Variants in EML1 observed in about 807,000 individuals in gnomAD.
EML1 encodes echinoderm microtubule-associated protein-like 1.
EML1 carries 27 observed loss-of-function variants against 110.4 expected under a neutral mutation model. That is an observed-to-expected ratio of 0.24 (90% CI 0.18 to 0.34). The LOEUF (loss-of-function observed/expected upper bound fraction) is 0.34, where lower values mean the gene tolerates loss of function less well. EML1 is among the 10% of genes least tolerant of loss of function. The pLI, the probability that EML1 is intolerant of heterozygous loss-of-function variation, is 1.00. For missense variants in EML1, 741 were observed against 1,030.9 expected (o/e 0.72, Z 3.85); for synonymous variants, 344 against 385.8 (o/e 0.89, Z 1.27).
intron 3 of EML1, among the ~76,000 whole-genome samples, chr14:99,869,165 C>CATTTTTTT (rs1233340824): frequency 6.6e-6 from 1 of 152,110 alleles, no homozygotes; most frequent in African/African-American, 2.4e-5. Context: ...TTAGAGATAC[C>CATTTTTTT]ACATTTTTTT....
At chr14:99,821,929 C>T (rs750482064) in intron 1 of EML1, among the ~76,000 whole-genome samples, 1 of 152,150 alleles carries the variant, frequency 6.6e-6, no homozygotes, top group Non-Finnish European at 1.5e-5. Flanking sequence ...TTGTTCACTC[C>T]CTATCAGGAG....
chr14:99,914,522 C>T lies in EML1; in HGVS notation c.1621-44C>T, dbSNP rs116093006. The T allele has an allele frequency of 2.5e-3, 3,888 of 1,565,228 alleles. 57 individuals carry two copies. In the African/African-American group the frequency reaches 0.037, roughly 15 times the overall value. Reference sequence around the variant, plus strand: ...ATCCCTTACGGCTCCTGAGTGCGAACTGTAGTATCTCAGAGCGCTTCTGTT... The same window carrying T: ...ATCCCTTACGGCTCCTGAGTGCGAATTGTAGTATCTCAGAGCGCTTCTGTT... On this transcript the variant is annotated intron_variant, in intron 14 of 21. Coordinates refer to ENST00000262233, the MANE Select transcript of EML1 (RefSeq NM_004434.3).
At chr14:99,861,400 C>T (rs1039894437) in intron 2 of EML1, among the ~76,000 whole-genome samples, 15 of 152,184 alleles carry the variant, frequency 9.9e-5, no homozygotes, top group Non-Finnish European at 1.9e-4. Context: ...AAAAATTTGG[C>T]ATAATACACA....
chr14:99,907,451 G>C (rs2059870114), intron 9 of EML1, 187 bp from the exon 10 acceptor site: 2 of 614,314 alleles, frequency 3.3e-6, no homozygotes, highest in Non-Finnish European at 5.6e-6. Flanking sequence ...CTGGATGACA[G>C]AGCAAAACCC....
intron 5 of EML1, chr14:99,892,080 C>T (rs1486733389): frequency 1.1e-5 from 11 of 963,032 alleles, no homozygotes; most frequent in Admixed American, 1.2e-4. Context: ...GTGAGGGCTC[C>T]GGGCTCCGGG....
At chr14:99,935,483 G>A (rs1256892730) in intron 17 of EML1, among the ~76,000 whole-genome samples, 2 of 150,416 alleles carry the variant, frequency 1.3e-5, no homozygotes, top group Non-Finnish European at 3.0e-5. Flanking sequence ...AAAAAAAAGA[G>A]TTCATAAAAA....
intron 17 of EML1, among the ~76,000 whole-genome samples, chr14:99,932,756 G>A (rs2060394732): frequency 6.6e-6 from 1 of 152,084 alleles, no homozygotes; most frequent in East Asian, 1.9e-4. Flanking sequence ...AAAATTGTGG[G>A]ATGATGTTGT....
chr14:99,842,869 C>A (rs146486542), intron 1 of EML1, among the ~76,000 whole-genome samples: 1 of 152,172 alleles, frequency 6.6e-6, no homozygotes, highest in South Asian at 2.1e-4. Flanking sequence ...CTGGCAGCCA[C>A]AATAAATGTG....
At chr14:99,874,059 A>C (rs1446459013) in intron 3 of EML1, among the ~76,000 whole-genome samples, 1 of 152,234 alleles carries the variant, frequency 6.6e-6, no homozygotes, top group Non-Finnish European at 1.5e-5. Flanking sequence ...CTTTTGCAAA[A>C]TTTTGGAAAA....
intron 1 of EML1, among the ~76,000 whole-genome samples, chr14:99,831,800 T>C (rs1354633094): frequency 6.6e-6 from 1 of 152,162 alleles, no homozygotes; most frequent in Admixed American, 6.5e-5. Context: ...GCTGAAATCA[T>C]TAACAAATAT....
At chr14:99,906,066 A>C (rs1301111402) in intron 9 of EML1, among the ~76,000 whole-genome samples, 2 of 152,084 alleles carry the variant, frequency 1.3e-5, no homozygotes, top group Non-Finnish European at 2.9e-5. Context: ...TAGCCTTTGG[A>C]TTGGAGGTTT....
upstream of EML1, among the ~76,000 whole-genome samples, chr14:99,772,373 A>C (rs963266746): frequency 2.0e-5 from 3 of 152,176 alleles, no homozygotes; most frequent in Admixed American, 6.5e-5. Context: ...GTTTCTCCCC[A>C]TTCTCTAATA....
intron 1 of EML1, among the ~76,000 whole-genome samples, chr14:99,842,674 G>A (rs1313356487): frequency 6.6e-6 from 1 of 152,026 alleles, no homozygotes. Flanking sequence ...TATAAATTCA[G>A]CAATATAATT....
chr14:99,909,197 G>A, intron 10 of EML1, 148 bp from the exon 11 acceptor site: 1 of 1,247,850 alleles, frequency 8.0e-7, no homozygotes. Flanking sequence ...GATGTTTTTA[G>A]CAAGATGGAT....
At chr14:99,839,412 C>T (rs1490644317) in intron 1 of EML1, among the ~76,000 whole-genome samples, 1 of 152,140 alleles carries the variant, frequency 6.6e-6, no homozygotes, top group Non-Finnish European at 1.5e-5. Context: ...TTGGGAAGAT[C>T]GCATTGCCCG....
chr14:99,789,779 C>T (rs1315480521), upstream of EML1, among the ~76,000 whole-genome samples: 2 of 152,192 alleles, frequency 1.3e-5, no homozygotes, highest in Non-Finnish European at 2.9e-5. Flanking sequence ...ACAAATGCTG[C>T]TATTAATTCC....
chr14:99,829,239 C>T (rs2058410164), intron 1 of EML1, among the ~76,000 whole-genome samples: 1 of 152,152 alleles, frequency 6.6e-6, no homozygotes, highest in Admixed American at 6.5e-5. Context: ...AGAATCCTTT[C>T]CTGTGTCATC....
chr14:99,763,683 C>A (rs2057338668), intron 1 of EML1, among the ~76,000 whole-genome samples: 1 of 152,200 alleles, frequency 6.6e-6, no homozygotes, highest in Non-Finnish European at 1.5e-5. Context: ...GCAATGACCT[C>A]TCTAGATCCT....
At chr14:99,904,192 G>A (rs1023163778) in intron 9 of EML1, among the ~76,000 whole-genome samples, 9 of 152,226 alleles carry the variant, frequency 5.9e-5, no homozygotes, top group Non-Finnish European at 1.0e-4. Flanking sequence ...AGAAAAACCT[G>A]TTGTGCTTTT....
Sources: gnomAD v4.1 joint callset for allele counts (sites outside exome capture counted in the v4.1 genomes callset) on GRCh38, gnomAD v4.1.1 for gene constraint, MANE v1.5 for transcripts, NCBI Gene and HGNC (gene_info 2026-07-23, HGNC 2026-07-21) for gene names.